TMEM183A: variants seen among roughly 807,000 people sequenced by gnomAD.
The protein encoded by TMEM183A is transmembrane protein 183A.
TMEM183A carries 21 observed loss-of-function variants against 46.7 expected under a neutral mutation model. The observed-to-expected ratio is 0.45, with a 90% CI of 0.32 to 0.65. TMEM183A has a LOEUF of 0.65. TMEM183A is among the 30% of genes least tolerant of loss of function. The pLI is 0.04. For missense variants in TMEM183A, 331 were observed against 481.9 expected (o/e 0.69, Z 2.93); for synonymous variants, 165 against 180.2 (o/e 0.92, Z 0.68).
At chr1:203,015,474 G>T (rs1176440884) in intron 4 of TMEM183A, 2 of 223,100 alleles carry the variant, frequency 9.0e-6, no homozygotes, top group East Asian at 2.3e-4. Context: ...ATGTATAGTT[G>T]TAGTGGTGAG....
intron 7 of TMEM183A, among the ~76,000 whole-genome samples, chr1:203,022,038 G>T (rs1657741947): frequency 6.6e-6 from 1 of 152,002 alleles, no homozygotes; most frequent in Admixed American, 6.6e-5. Flanking sequence ...AAATAATTTT[G>T]TATAATTGAG....
chr1:203,022,091 G>A (rs780295257), intron 7 of TMEM183A, among the ~76,000 whole-genome samples: 4 of 151,960 alleles, frequency 2.6e-5, no homozygotes, highest in African/African-American at 4.8e-5. Context: ...TTTTGAGATG[G>A]AGTCTCGCTC....
intron 3 of TMEM183A, among the ~76,000 whole-genome samples, chr1:203,009,212 A>T (rs1372733297): frequency 6.6e-6 from 1 of 152,258 alleles, no homozygotes; most frequent in Non-Finnish European, 1.5e-5. Context: ...TGTGGATTTT[A>T]CGTTAACTAG....
intron 5 of TMEM183A, 147 bp from the exon 6 acceptor site, chr1:203,018,334 G>C (rs1657359089): frequency 1.1e-6 from 1 of 909,390 alleles, no homozygotes; most frequent in African/African-American, 1.7e-5. Context: ...GGGTCTATCT[G>C]TGCCAAAGTA....
rs146600171 is a variant in TMEM183A at position 203,008,827 on chromosome 1, CT to C, written c.367+21del. 1,777 of 1,576,262 alleles carry C rather than the reference CT, an allele frequency of 1.1e-3. 17 individuals carry two copies. The African/African-American group carries it at 0.021, about 19-fold the overall frequency. On this transcript the variant is annotated intron_variant, in intron 3 of 7. Transcript: ENST00000367242. Reference sequence around the variant, plus strand: ...GACACAAAGGTATGGAGCTTGTTCTCTTTTGGTTTATTAGACCTGCCTGTGG... The same window carrying C: ...GACACAAAGGTATGGAGCTTGTTCTCTTTGGTTTATTAGACCTGCCTGTGG...
intron 3 of TMEM183A, among the ~76,000 whole-genome samples, chr1:203,012,561 G>A (rs1246636250): frequency 1.3e-5 from 2 of 152,084 alleles, no homozygotes; most frequent in Non-Finnish European, 2.9e-5. Flanking sequence ...TTCATTTACT[G>A]ATTCTATTTC....
intron 5 of TMEM183A, chr1:203,018,054 C>T (rs989420935): frequency 9.0e-6 from 6 of 663,052 alleles, no homozygotes; most frequent in Non-Finnish European, 1.1e-5. Context: ...CAGTTTGCTT[C>T]TATTATAGGG....
At chr1:203,009,135 T>C (rs986369845) in intron 3 of TMEM183A, among the ~76,000 whole-genome samples, 3 of 152,202 alleles carry the variant, frequency 2.0e-5, no homozygotes, top group Non-Finnish European at 4.4e-5. Flanking sequence ...ATAAAAGGCC[T>C]TTGCATTTCT....
intron 7 of TMEM183A, 139 bp downstream of exon 7, chr1:203,021,087 A>G (rs551840206): frequency 7.0e-6 from 7 of 994,578 alleles, no homozygotes; most frequent in Admixed American, 3.6e-5. Flanking sequence ...GCTGAAGTGC[A>G]GTGATGGAAT....
Position 203,008,653 on chromosome 1 carries a change from T to G in TMEM183A, c.210T>G (p.Leu70=). ...ANAVQQEVKS[L]CGLEASQVPA... is the part of the protein sequence containing the mutation. Reference sequence around the variant, plus strand: ...TTTATTTTCTTCTAGTAAAATCTCTTTGTGGCTTGGAAGCCTCTCAGGTTC... The same window carrying G: ...TTTATTTTCTTCTAGTAAAATCTCTGTGTGGCTTGGAAGCCTCTCAGGTTC... Residue 70 remains leucine (L), a synonymous_variant, in exon 3 of 8, where the codon CTT becomes CTG. Transcript: ENST00000367242. 6.4e-7 allele frequency: 1 copy of G among 1,551,616 alleles called. No homozygotes were observed. Among genetic ancestry groups the G allele is most frequent in the Non-Finnish European group, 8.7e-7 (1 of 1,150,512 alleles).
chr1:203,010,514 G>GA (rs1367762739), intron 3 of TMEM183A, among the ~76,000 whole-genome samples: 1 of 152,144 alleles, frequency 6.6e-6, no homozygotes, highest in Non-Finnish European at 1.5e-5. Flanking sequence ...CAAAATGCGG[G>GA]AAAAGCCAAA....
chr1:203,015,655 T>C, intron 4 of TMEM183A: 2 of 305,112 alleles, frequency 6.6e-6, no homozygotes, highest in Admixed American at 4.7e-5. Flanking sequence ...TTCGCCAGTA[T>C]AGGTTCCTCC....
At chr1:203,018,998 A>T (rs1657425247) in intron 6 of TMEM183A, among the ~76,000 whole-genome samples, 1 of 152,240 alleles carries the variant, frequency 6.6e-6, no homozygotes, top group South Asian at 2.1e-4. Flanking sequence ...TGAATTTTGG[A>T]GGAGACACAA....
chr1:203,007,701 G>T, intron 1 of TMEM183A, 73 bp from the exon 2 acceptor site: 1 of 1,594,050 alleles, frequency 6.3e-7, no homozygotes. Context: ...GGCCTGCAGC[G>T]AGGAGGAGGT....
At chr1:203,018,122 C>T (rs946159301) in intron 5 of TMEM183A, among the ~76,000 whole-genome samples, 11 of 152,198 alleles carry the variant, frequency 7.2e-5, no homozygotes, top group African/African-American at 2.7e-4. Flanking sequence ...GCTGCTGGCT[C>T]TCCTTACATT....
At position 203,014,880 on chromosome 1, in the gene TMEM183A, T is replaced by G; in HGVS notation, c.368-9T>G. 1 of 1,613,494 alleles carries G rather than the reference T, an allele frequency of 6.2e-7. No individual in the cohort carries two copies. The highest frequency in any genetic ancestry group is 8.5e-7 in the Non-Finnish European group (1 of 1,179,652). On this transcript the variant is annotated splice_polypyrimidine_tract_variant and intron_variant, in intron 3 of 7. Transcript: ENST00000367242. ...AGAAGATCAGAGATTATTCTTTTTTTTGTTTCAGAAGAACTGGACGGGGCT... is the reference window on the plus strand; with the variant it reads ...AGAAGATCAGAGATTATTCTTTTTTGTGTTTCAGAAGAACTGGACGGGGCT...
At chr1:203,012,499 C>T (rs1292013753) in intron 3 of TMEM183A, among the ~76,000 whole-genome samples, 1 of 152,302 alleles carries the variant, frequency 6.6e-6, no homozygotes, top group East Asian at 1.9e-4. Flanking sequence ...TTCCTCTTAA[C>T]CTATGCCTAT....
Position 203,016,498 on chromosome 1 carries a change from A to C in TMEM183A, c.708+358A>C, listed in dbSNP as rs557832555. 3.3e-5 allele frequency among the ~76,000 whole-genome samples: 5 copies of C among 152,366 alleles called. No individual in the cohort carries two copies. The South Asian group carries it at 1.0e-3, about 32-fold the overall frequency. Reference sequence around the variant, plus strand: ...TGCTGTAATTTTTAAGAGGGGCTTTAAATCACAGTACAGAGGTATAACATG... The same window carrying C: ...TGCTGTAATTTTTAAGAGGGGCTTTCAATCACAGTACAGAGGTATAACATG... On this transcript the variant is annotated intron_variant, in intron 5 of 7. Transcript: ENST00000367242.
intron 3 of TMEM183A, among the ~76,000 whole-genome samples, 177 bp downstream of exon 3, chr1:203,008,987 C>G (rs114975597): frequency 5.4e-4 from 82 of 152,186 alleles, no homozygotes; most frequent in African/African-American, 1.9e-3. Flanking sequence ...CCTGGGCTTT[C>G]TTTTTTCTTT....
Sources: allele counts gnomAD v4.1 joint callset (sites outside exome capture counted in the v4.1 genomes callset), GRCh38; gene constraint gnomAD v4.1.1; transcripts MANE v1.5; gene names NCBI Gene and HGNC (gene_info 2026-07-23, HGNC 2026-07-21).